HOMER3: variants seen among roughly 807,000 people sequenced by gnomAD.
The protein encoded by HOMER3 is homer scaffold protein 3, also known as homer protein homolog 3.
A neutral mutation model predicts 45.5 loss-of-function variants in HOMER3; 34 were observed. The observed-to-expected ratio is 0.75, with a 90% confidence interval of 0.57 to 1.00. The LOEUF is 1.00. Ranked by LOEUF, HOMER3 falls within the 50% of genes least tolerant of loss-of-function variation. The pLI, the probability that HOMER3 is intolerant of heterozygous loss-of-function variation, is 0.00. For synonymous variants in HOMER3, 223 were observed against 208.8 expected (o/e 1.07, Z -0.58); for missense variants, 480 against 497.5 (o/e 0.96, Z 0.33).
At chr19:18,939,090 G>GC in intron 1 of HOMER3, 41 bp from the exon 2 acceptor site, 15 of 1,111,956 alleles carry the variant, frequency 1.3e-5, no homozygotes, top group African/African-American at 4.7e-5. Flanking sequence ...CTCAGGCCAG[G>GC]CTGAGGGAGG....
At chr19:18,938,591 C>G (rs564270653) in intron 3 of HOMER3, 107 bp from the exon 4 acceptor site, 17 of 1,508,302 alleles carry the variant, frequency 1.1e-5, no homozygotes, top group Admixed American at 5.4e-5. Context: ...TACTCTGAAC[C>G]CTTTCAGGAG....
chr19:18,931,397 C>G lies in HOMER3; in HGVS notation c.822G>C (p.Leu274=). 6.2e-7 allele frequency: 1 copy of G among 1,614,166 alleles called. No individual in the cohort carries two copies. Among genetic ancestry groups the G allele is most frequent in the African/African-American group, 1.3e-5 (1 of 75,068 alleles). Residue 274 remains leucine (L), a synonymous_variant, in exon 9 of 10, where the codon CTG becomes CTC. Transcript: ENST00000392351. ...CGCGGGGCCCCCCAGTCTGACTCTT[C>G]AGGGTCTGAATCTCCTAGAGGAGAA... The part of the protein sequence containing the change: ...VQTKDQEIQT[L]KSQTGGPREA...
Position 18,938,433 on chromosome 19 carries a change from G to A in HOMER3, c.223C>T (p.Gln75Ter), listed in dbSNP as rs2057118035. 1 of 1,614,026 alleles carries A rather than the reference G, an allele frequency of 6.2e-7. No individual in the cohort carries two copies. Among genetic ancestry groups the A allele is most frequent in the Non-Finnish European group, 8.5e-7 (1 of 1,179,994 alleles). ...TPNMTFTKTS[Q>*]KFGQWADSRA... ...CTGTCGGCCCACTGCCCGAACTTCTGGGAAGTTTTGGTGAAGGTCATGTTG... is the reference window on the plus strand; with the variant it reads ...CTGTCGGCCCACTGCCCGAACTTCTAGGAAGTTTTGGTGAAGGTCATGTTG... The change falls in exon 4 of 10, where the codon CAG becomes TAG. Residue 75 changes from glutamine to a stop codon, truncating the protein, a stop_gained. Transcript: ENST00000392351. LOFTEE classifies it high-confidence loss of function.
intron 6 of HOMER3, 39 bp downstream of exon 6, chr19:18,932,885 A>ACCCCCCCCCCCCCCC: frequency 7.3e-6 from 5 of 687,526 alleles, no homozygotes; most frequent in East Asian, 3.7e-5. Context: ...CCCCACCCCT[A>ACCCCCCCCCCCCCCC]CCCCCGCCCC....
chr19:18,934,220 A>G (rs2145125674), intron 5 of HOMER3, 83 bp downstream of exon 5: 1 of 775,904 alleles, frequency 1.3e-6, no homozygotes, highest in South Asian at 2.3e-5. Flanking sequence ...CGGTCTCCCA[A>G]TATCAAGGTC....
At chr19:18,932,288 A>T (rs1257833831) in intron 6 of HOMER3, among the ~76,000 whole-genome samples, 156 bp from the exon 7 acceptor site, 1 of 52,626 alleles carries the variant, frequency 1.9e-5, no homozygotes, top group African/African-American at 7.3e-5. Flanking sequence ...AAGTTGGACT[A>T]GGGGGCGGGG....
At chr19:18,940,899 C>G (rs952824470) in intron 1 of HOMER3, 152 bp downstream of exon 1, 4 of 152,390 alleles carry the variant, frequency 2.6e-5, no homozygotes, top group African/African-American at 9.7e-5. Context: ...CTTCGGGACC[C>G]CCGCGCTCCC....
rs537584671 is a variant in HOMER3 at position 18,931,126 on chromosome 19, C to A, written c.894+199G>T. 9.0e-6 allele frequency: 5 copies of A among 557,302 alleles called. No homozygotes were observed. In the East Asian group the frequency reaches 1.4e-4, roughly 16 times the overall value. The allele number at this position is 557,302 out of a possible 1,614,324, so 34.5% of individuals were successfully genotyped here. A position where few individuals can be genotyped will look rare whatever the true frequency, so the allele number is the denominator to read the frequency against. On this transcript the variant is annotated intron_variant, in intron 9 of 9. Transcript: ENST00000392351. The stretch of plus-strand genomic sequence containing the variant: ...GTCTGGCATGGGAATACAGCAGGAA[C>A]TCAAGCATTGCTTGTTGAACCCATA...
intron 7 of HOMER3, 112 bp from the exon 8 acceptor site, chr19:18,931,737 C>G (rs1159932856): frequency 1.3e-6 from 2 of 1,500,188 alleles, no homozygotes; most frequent in African/African-American, 2.8e-5. Context: ...GAGCACCCAT[C>G]TCCCTTGGTT....
At chr19:18,934,746 G>T (rs937823141) in intron 4 of HOMER3, among the ~76,000 whole-genome samples, 2 of 152,060 alleles carry the variant, frequency 1.3e-5, no homozygotes, top group Non-Finnish European at 2.9e-5. Context: ...TGGCTCAAGT[G>T]ACCCTTCCAC....
intron 1 of HOMER3, chr19:18,940,723 C>T (rs2057146892): frequency 6.6e-6 from 1 of 152,134 alleles, no homozygotes. Context: ...TCGAGGACCC[C>T]CTGCCACCCC....
chr19:18,935,486 G>A (rs969654547), intron 4 of HOMER3, among the ~76,000 whole-genome samples: 4 of 152,072 alleles, frequency 2.6e-5, no homozygotes, highest in African/African-American at 7.2e-5. Flanking sequence ...TCAGGTGGGT[G>A]CTAATCTGTC....
At chr19:18,929,894 A>G (rs1601265680) in intron 9 of HOMER3, among the ~76,000 whole-genome samples, 1 of 150,310 alleles carries the variant, frequency 6.7e-6, no homozygotes, top group Non-Finnish European at 1.5e-5. Context: ...GCTCACTACA[A>G]CCTCCGCCTC....
intron 4 of HOMER3, 28 bp downstream of exon 4, chr19:18,938,325 C>T (rs2057116259): frequency 6.3e-7 from 1 of 1,591,472 alleles, no homozygotes; most frequent in Non-Finnish European, 8.6e-7. Context: ...TCATCGGTTC[C>T]CTCCACTCTC....
At chr19:18,932,878 C>CA in intron 6 of HOMER3, 46 bp downstream of exon 6, 6 of 772,988 alleles carry the variant, frequency 7.8e-6, no homozygotes, top group Non-Finnish European at 1.1e-5. Context: ...CCTCGTCCCC[C>CA]ACCCCTACCC....
chr19:18,931,167 G>A, intron 9 of HOMER3, 158 bp downstream of exon 9: 1 of 629,084 alleles, frequency 1.6e-6, no homozygotes, highest in South Asian at 1.9e-5. Context: ...ATATGAAACT[G>A]TACCAACAGC....
chr19:18,935,264 C>T (rs2057080113), intron 4 of HOMER3, among the ~76,000 whole-genome samples: 1 of 151,804 alleles, frequency 6.6e-6, no homozygotes. Flanking sequence ...CTCAACCTCC[C>T]GAGTAGCTAG....
chr19:18,939,277 C>T, intron 1 of HOMER3: 2 of 390,632 alleles, frequency 5.1e-6, no homozygotes, highest in Non-Finnish European at 9.2e-6. Context: ...CCATCTCTAC[C>T]AAAAATTTAA....
At chr19:18,932,267 A>T in intron 6 of HOMER3, 135 bp from the exon 7 acceptor site, 1 of 514,456 alleles carries the variant, frequency 1.9e-6, no homozygotes, top group Non-Finnish European at 2.6e-6. Flanking sequence ...GAGGGTGCGG[A>T]GTCGTGCGCG....
Sources: gnomAD v4.1 joint callset for allele counts (sites outside exome capture counted in the v4.1 genomes callset) on GRCh38, gnomAD v4.1.1 for gene constraint, MANE v1.5 for transcripts, NCBI Gene and HGNC (gene_info 2026-07-23, HGNC 2026-07-21) for gene names.